PLCH1: variants seen among roughly 807,000 people sequenced by gnomAD.
The protein encoded by PLCH1 is phospholipase C eta 1, also known as 1-phosphatidylinositol 4,5-bisphosphate phosphodiesterase eta-1.
PLCH1 carries 60 observed loss-of-function variants against 126.7 expected under a neutral mutation model. The observed-to-expected ratio is 0.47, with a 90% confidence interval of 0.38 to 0.59. PLCH1 has a LOEUF of 0.59. Ranked by LOEUF, PLCH1 falls within the 20% of genes least tolerant of loss-of-function variation. PLCH1 has a pLI of 0.00. For missense variants in PLCH1, 1,723 were observed against 2,040.0 expected, an observed-to-expected ratio of 0.84 and a Z score of 2.99; for synonymous variants, 719 against 734.9, an observed-to-expected ratio of 0.98 and a Z score of 0.35.
intron 2 of PLCH1, among the ~76,000 whole-genome samples, chr3:155,641,844 T>C (rs1022208719): frequency 4.6e-5 from 7 of 152,078 alleles, no homozygotes; most frequent in African/African-American, 1.4e-4. Context: ...CCCAAAGGCT[T>C]TCCTGGCAGA....
rs1185685380 is a variant in PLCH1 at position 155,566,283 on chromosome 3, A to G, written c.866-1165T>C. ...TACACATATATATACATATATACAT[A>G]TATATACGTATATATACACATATAT... On this transcript the variant is annotated intron_variant, in intron 7 of 22. Coordinates refer to ENST00000460012, the MANE Select transcript of PLCH1 (RefSeq NM_014996.4). Among the ~76,000 whole-genome samples the G allele has an allele frequency of 6.4e-3, 218 of 34,094 alleles. 7 individuals carry two copies. The highest frequency in any genetic ancestry group is 0.013 in the African/African-American group (205 of 15,802). 22.4% of individuals were successfully genotyped at this position (34,094 alleles called of 152,430 possible). A position where few individuals can be genotyped will look rare whatever the true frequency, so the allele number is the denominator to read the frequency against.
intron 2 of PLCH1, among the ~76,000 whole-genome samples, chr3:155,630,403 A>G (rs1208841308): frequency 2.0e-5 from 3 of 152,198 alleles, no homozygotes; most frequent in Admixed American, 2.0e-4. Flanking sequence ...CTTGATTTGA[A>G]AGTGTTTTAT....
At chr3:155,569,485 T>G (rs2108534691) in intron 6 of PLCH1, among the ~76,000 whole-genome samples, 2 of 152,304 alleles carry the variant, frequency 1.3e-5, no homozygotes, top group Middle Eastern at 6.8e-3. Context: ...TGGTGGCTGA[T>G]GCATCCTTTG....
intron 10 of PLCH1, among the ~76,000 whole-genome samples, chr3:155,547,263 T>A (rs1428344321): frequency 6.6e-5 from 10 of 150,666 alleles, no homozygotes; most frequent in Non-Finnish European, 5.9e-5. Flanking sequence ...AGAAGACATT[T>A]ATGCAGCCAA....
At chr3:155,603,154 A>C (rs4680199) in intron 2 of PLCH1, among the ~76,000 whole-genome samples, 31,822 of 78,956 alleles carry the variant, frequency 0.4, 4,400 homozygotes, top group African/African-American at 0.45. Flanking sequence ...ACAACAACAA[A>C]AAAAAAAGTC....
At chr3:155,738,241 C>A (rs1324235967) in intron 1 of PLCH1, among the ~76,000 whole-genome samples, 1 of 152,198 alleles carries the variant, frequency 6.6e-6, no homozygotes, top group Non-Finnish European at 1.5e-5. Flanking sequence ...GTCCAGCACC[C>A]ACTTTTTTTG....
At chr3:155,535,390 C>T (rs1723215430) in intron 10 of PLCH1, among the ~76,000 whole-genome samples, 1 of 152,152 alleles carries the variant, frequency 6.6e-6, no homozygotes, top group African/African-American at 2.4e-5. Context: ...AGGCTTGTAG[C>T]CTGGGGCAAG....
At chr3:155,696,843 T>C (rs1745855861) in intron 2 of PLCH1, among the ~76,000 whole-genome samples, 1 of 152,210 alleles carries the variant, frequency 6.6e-6, no homozygotes, top group Admixed American at 6.5e-5. Flanking sequence ...CACAGGTTTA[T>C]GAGAAAGAGT....
At chr3:155,491,250 T>C (rs1054706731) in intron 18 of PLCH1, among the ~76,000 whole-genome samples, 2 of 152,110 alleles carry the variant, frequency 1.3e-5, no homozygotes, top group African/African-American at 4.8e-5. Flanking sequence ...TTGTGGAATA[T>C]ACGTTTTTTG....
At chr3:155,471,023 G>T (rs1377690494) in intron 21 of PLCH1, among the ~76,000 whole-genome samples, 1 of 150,202 alleles carries the variant, frequency 6.7e-6, no homozygotes, top group Non-Finnish European at 1.5e-5. Flanking sequence ...ATCAACTAAC[G>T]AGCAAAATAA....
chr3:155,548,006 T>A (rs2108439199), intron 10 of PLCH1, among the ~76,000 whole-genome samples: 1 of 152,008 alleles, frequency 6.6e-6, no homozygotes, highest in South Asian at 2.1e-4. Flanking sequence ...AACCTGCACA[T>A]TGTGGACATA....
chr3:155,689,864 A>C (rs187836043), intron 2 of PLCH1, among the ~76,000 whole-genome samples: 43 of 152,230 alleles, frequency 2.8e-4, no homozygotes, highest in African/African-American at 9.1e-4. Context: ...AGTTTATTCA[A>C]AGAGATAATA....
chr3:155,571,465 C>G (rs1729217589), intron 6 of PLCH1, among the ~76,000 whole-genome samples: 1 of 152,120 alleles, frequency 6.6e-6, no homozygotes, highest in African/African-American at 2.4e-5. Flanking sequence ...GGCTGGGGAG[C>G]AGGGACCTCA....
intron 6 of PLCH1, among the ~76,000 whole-genome samples, chr3:155,579,543 A>C (rs1389889164): frequency 6.6e-6 from 1 of 152,218 alleles, no homozygotes; most frequent in Admixed American, 6.5e-5. Flanking sequence ...CAGTCTAGTA[A>C]TTTTTAAAAC....
At chr3:155,589,334 A>C (rs1731799395) in intron 4 of PLCH1, among the ~76,000 whole-genome samples, 1 of 152,204 alleles carries the variant, frequency 6.6e-6, no homozygotes, top group African/African-American at 2.4e-5. Context: ...GTTCCAATAA[A>C]CCTTTATTGG....
At chr3:155,736,783 C>T (rs1225967637) in intron 1 of PLCH1, among the ~76,000 whole-genome samples, 1 of 152,166 alleles carries the variant, frequency 6.6e-6, no homozygotes, top group Non-Finnish European at 1.5e-5. Flanking sequence ...AATTGCTTCC[C>T]AGTCTCCTAT....
At chr3:155,537,792 T>A (rs778769416) in intron 10 of PLCH1, among the ~76,000 whole-genome samples, 1 of 151,978 alleles carries the variant, frequency 6.6e-6, no homozygotes, top group Non-Finnish European at 1.5e-5. Flanking sequence ...AGCAACACAA[T>A]AATAGTGAGA....
intron 21 of PLCH1, among the ~76,000 whole-genome samples, chr3:155,455,963 C>T (rs938819871): frequency 1.3e-5 from 2 of 152,198 alleles, no homozygotes; most frequent in African/African-American, 4.8e-5. Context: ...CTGGAACATG[C>T]ACGCCCATTC....
chr3:155,596,505 A>G, intron 2 of PLCH1, 127 bp from the exon 3 acceptor site: 2 of 643,218 alleles, frequency 3.1e-6, no homozygotes, highest in Non-Finnish European at 5.0e-6. Context: ...CAAATTTGGT[A>G]GAGGTAATCT....
Sources: allele counts gnomAD v4.1 joint callset (sites outside exome capture counted in the v4.1 genomes callset), GRCh38; gene constraint gnomAD v4.1.1; transcripts MANE v1.5; gene names NCBI Gene and HGNC (gene_info 2026-07-23, HGNC 2026-07-21).